TNRC6C: variants seen among roughly 807,000 people sequenced by gnomAD.
TNRC6C encodes trinucleotide repeat containing adaptor 6C, also known as trinucleotide repeat-containing gene 6C protein.
TNRC6C carries 20 observed loss-of-function variants against 153.7 expected under a neutral mutation model. That is an observed-to-expected ratio of 0.13 (90% CI 0.09 to 0.19). The LOEUF is 0.19. TNRC6C is among the 10% of genes least tolerant of loss of function. The probability of loss-of-function intolerance (pLI) is 1.00; values close to 1 mark genes in which losing one functional copy is unlikely to be tolerated. For missense variants in TNRC6C, 1,987 were observed against 2,172.0 expected, an observed-to-expected ratio of 0.91 and a Z score of 1.69; for synonymous variants, 811 against 841.4, an observed-to-expected ratio of 0.96 and a Z score of 0.63.
intron 1 of TNRC6C, among the ~76,000 whole-genome samples, chr17:78,022,955 T>G (rs2071864694): frequency 6.6e-6 from 1 of 152,154 alleles, no homozygotes; most frequent in African/African-American, 2.4e-5. Context: ...AGCATGTAAA[T>G]TACATTAGGT....
chr17:78,004,309 G>T, upstream of TNRC6C: 1 of 1,231,640 alleles, frequency 8.1e-7, no homozygotes, highest in Non-Finnish European at 1.0e-6. Context: ...TTGTATCATT[G>T]TGTGTCTCAT....
rs559026155 is a variant in TNRC6C at position 78,079,271 on chromosome 17, G to A, written c.3211-124G>A. 5.5e-5 allele frequency: 78 copies of A among 1,406,952 alleles called. 1 individual carries two copies. The South Asian group carries it at 8.9e-4, about 16-fold the overall frequency. 87.2% of individuals were successfully genotyped at this position (1,406,952 alleles called of 1,614,324 possible). On this transcript the variant is annotated intron_variant, in intron 9 of 19. Transcript: ENST00000301624. This position sits in a 1 kb window ranked among gnomAD's most constrained non-coding sequence, Gnocchi z 4.3. ...CTCAAAAAAATTCTCTTGGGTACAA[G>A]TTGACAGTGGTAGGAAGTAGAAACA...
intron 1 of TNRC6C, among the ~76,000 whole-genome samples, chr17:77,996,541 C>T (rs1567906103): frequency 6.6e-6 from 1 of 152,180 alleles, no homozygotes; most frequent in East Asian, 1.9e-4. Flanking sequence ...TACTGTGAGT[C>T]TCATGCTCAC....
chr17:78,092,411 G>T (rs1300133764), intron 14 of TNRC6C, among the ~76,000 whole-genome samples: 1 of 152,208 alleles, frequency 6.6e-6, no homozygotes, highest in Non-Finnish European at 1.5e-5. Context: ...AAGGAGGGAA[G>T]AGATAACAGC....
chr17:78,011,400 A>G (rs1379345706), intron 1 of TNRC6C, among the ~76,000 whole-genome samples: 1 of 152,158 alleles, frequency 6.6e-6, no homozygotes, highest in Non-Finnish European at 1.5e-5. Flanking sequence ...ACTATAAAAG[A>G]GTTTTTATTT....
At chr17:77,982,293 T>C (rs2071089852) in intron 1 of TNRC6C, among the ~76,000 whole-genome samples, 1 of 152,086 alleles carries the variant, frequency 6.6e-6, no homozygotes, top group Non-Finnish European at 1.5e-5. Flanking sequence ...TATTATATAT[T>C]ATGAATTAAC....
intron 2 of TNRC6C, among the ~76,000 whole-genome samples, chr17:78,044,587 T>C (rs1355844137): frequency 6.6e-6 from 1 of 152,220 alleles, no homozygotes; most frequent in South Asian, 2.1e-4. Flanking sequence ...TAGCTGCATA[T>C]AGGAGGCACT....
chr17:78,092,055 C>T (rs985325397), intron 14 of TNRC6C, among the ~76,000 whole-genome samples: 16 of 152,332 alleles, frequency 1.1e-4, no homozygotes, highest in Admixed American at 3.9e-4. Context: ...TTACTCCAAA[C>T]TGGTGTCCCC....
intron 3 of TNRC6C, among the ~76,000 whole-genome samples, chr17:78,059,063 A>C (rs987309299): frequency 2.0e-5 from 3 of 152,222 alleles, no homozygotes; most frequent in Admixed American, 6.5e-5. Context: ...TAGCAGCAGA[A>C]GCCAGAGAGC....
intron 1 of TNRC6C, among the ~76,000 whole-genome samples, chr17:77,988,397 C>T (rs2071202969): frequency 6.6e-6 from 1 of 151,982 alleles, no homozygotes; most frequent in Non-Finnish European, 1.5e-5. Flanking sequence ...ACACATTTTC[C>T]AGCTATTTAT....
rs189456642 is a variant in TNRC6C at position 78,079,709 on chromosome 17, T to G, written c.3357+168T>G. On this transcript the variant is annotated intron_variant, in intron 10 of 19. Coordinates refer to ENST00000301624, the Ensembl canonical transcript of TNRC6C. The surrounding 1 kb of genome is among the most constrained non-coding windows in gnomAD (Gnocchi z 4.3). ...TATAAATTAATTTTAGACTATAAAG[T>G]AGTAAATGGATTCTCCTGACCCAGG... 6.6e-6 allele frequency among the ~76,000 whole-genome samples: 1 copy of G among 152,160 alleles called. No homozygotes were observed. The highest frequency in any genetic ancestry group is 1.9e-4 in the East Asian group (1 of 5,196).
chr17:78,104,494 G>A lies in TNRC6C; in HGVS notation c.4722G>A (p.Leu1574=), dbSNP rs1379458281. Residue 1574 remains leucine (L), a synonymous_variant, in exon 20 of 20, where the codon CTG becomes CTA. Coordinates refer to ENST00000301624, the Ensembl canonical transcript of TNRC6C. The surrounding 1 kb of genome is among the most constrained non-coding windows in gnomAD (Gnocchi z 6.2). ...CATCTTGCTGTTGCAGGTGCGTCCT[G>A]GGAAACACTACCATCCTGGCCGAGT... The A allele has an allele frequency of 4.0e-6, 6 of 1,504,870 alleles. No homozygotes were observed. In the South Asian group the frequency reaches 6.6e-5, roughly 16 times the overall value. The allele number at this position is 1,504,870 out of a possible 1,614,324, so 93.2% of individuals were successfully genotyped here.
exon 20 of TNRC6C, chr17:78,105,181 T>G (rs543201661): frequency 4.4e-6 from 1 of 226,680 alleles, no homozygotes; most frequent in South Asian, 1.8e-4. Context: ...CTTTTCAGAT[T>G]GTGGGCTGGA....
At chr17:78,021,571 TTTA>T (rs1171838918) in intron 1 of TNRC6C, among the ~76,000 whole-genome samples, 1 of 152,182 alleles carries the variant, frequency 6.6e-6, no homozygotes, top group African/African-American at 2.4e-5. Context: ...TATTTATTTT[TTTA>T]TTTTTATTTT....
intron 1 of TNRC6C, among the ~76,000 whole-genome samples, chr17:77,965,630 C>T (rs1275769657): frequency 6.6e-6 from 1 of 152,148 alleles, no homozygotes; most frequent in Admixed American, 6.5e-5. Flanking sequence ...CTTCTTCCTG[C>T]CCTCCTGGAG....
exon 12 of TNRC6C, chr17:78,086,572 C>G: frequency 6.2e-7 from 1 of 1,613,934 alleles, no homozygotes; most frequent in Non-Finnish European, 8.5e-7. Context: ...ATCCATGAGA[C>G]AACAGGAGCA....
At chr17:78,038,068 C>CA (rs2072215611) in intron 2 of TNRC6C, among the ~76,000 whole-genome samples, 1 of 151,902 alleles carries the variant, frequency 6.6e-6, no homozygotes, top group Admixed American at 6.6e-5. Context: ...AAGCCATATG[C>CA]AAGACAAATA....
chr17:77,977,813 A>G (rs1163321712), intron 1 of TNRC6C, among the ~76,000 whole-genome samples: 1 of 152,052 alleles, frequency 6.6e-6, no homozygotes, highest in Non-Finnish European at 1.5e-5. Context: ...TTTTTGTCAC[A>G]TAAGTGTATG....
chr17:78,017,229 T>C lies in TNRC6C; in HGVS notation c.-546+12150T>C, dbSNP rs371705492. On this transcript the variant is annotated intron_variant, in intron 1 of 19. Coordinates refer to ENST00000301624, the Ensembl canonical transcript of TNRC6C. ...GCCTTTTTAAAAATGTCTTAAATATTTCTAAATAAATTTTTAAAGAAAAGA... is the reference window on the plus strand; with the variant it reads ...GCCTTTTTAAAAATGTCTTAAATATCTCTAAATAAATTTTTAAAGAAAAGA... Among the ~76,000 whole-genome samples the C allele has an allele frequency of 4.6e-5, 7 of 152,292 alleles. No homozygotes were observed. The East Asian group carries it at 7.7e-4, about 17-fold the overall frequency.
Sources: allele counts gnomAD v4.1 joint callset (sites outside exome capture counted in the v4.1 genomes callset), GRCh38; gene constraint gnomAD v4.1.1; non-coding constraint Gnocchi (gnomAD v3.1); transcripts MANE v1.5; gene names NCBI Gene and HGNC (gene_info 2026-07-23, HGNC 2026-07-21).